ARHGAP22: variants seen among roughly 807,000 people sequenced by gnomAD.
ARHGAP22 encodes rho GTPase-activating protein 22.
Under a neutral mutation model 59.1 loss-of-function variants are expected in ARHGAP22, and 48 were observed. The ratio of observed to expected loss-of-function variants is 0.81; its 90% CI spans 0.64 to 1.03. The LOEUF (loss-of-function observed/expected upper bound fraction) is 1.03. ARHGAP22 is among the 50% of genes least tolerant of loss of function. The pLI, the probability that ARHGAP22 is intolerant of heterozygous loss-of-function variation, is 0.00. For synonymous variants in ARHGAP22, 445 were observed against 416.4 expected (o/e 1.07, Z -0.84); for missense variants, 1,015 against 958.7 (o/e 1.06, Z -0.78).
intron 3 of ARHGAP22, among the ~76,000 whole-genome samples, chr10:48,520,685 C>T (rs1270524019): frequency 3.3e-5 from 5 of 151,834 alleles, no homozygotes; most frequent in South Asian, 2.1e-4. Flanking sequence ...CAGGAGTTGA[C>T]GGGAGGGAGG....
At chr10:48,606,102 G>A (rs143601480), upstream of ARHGAP22, among the ~76,000 whole-genome samples, 3 of 152,280 alleles carry the variant, frequency 2.0e-5, no homozygotes, top group African/African-American at 4.8e-5. Context: ...TGAGAACTGT[G>A]TGACCCTTTC....
upstream of ARHGAP22, chr10:48,605,189 G>A (rs1309431414): frequency 1.2e-5 from 13 of 1,096,526 alleles, no homozygotes; most frequent in Non-Finnish European, 1.4e-5. Context: ...CGCGGGGCGC[G>A]GTCCTGGCCC....
chr10:48,459,485 G>A (rs1003383686), intron 5 of ARHGAP22, among the ~76,000 whole-genome samples, 199 bp downstream of exon 5: 18 of 152,182 alleles, frequency 1.2e-4, no homozygotes, highest in African/African-American at 3.1e-4. Context: ...AGCTGGCCTC[G>A]TGCATGGCAG....
chr10:48,533,988 C>T (rs115460416), intron 3 of ARHGAP22, among the ~76,000 whole-genome samples: 2,019 of 152,298 alleles, frequency 0.013, 49 homozygotes, highest in African/African-American at 0.046. Context: ...GAGGGCCGTG[C>T]CCAGGAGGGG....
the ARHGAP22 span, among the ~76,000 whole-genome samples, chr10:48,433,259 A>G: frequency 6.6e-6 from 1 of 152,230 alleles, no homozygotes; most frequent in Non-Finnish European, 1.5e-5. Context: ...TTTAAAAGTC[A>G]ATTTTTATCA....
At chr10:48,466,964 C>G (rs1422865617) in intron 4 of ARHGAP22, among the ~76,000 whole-genome samples, 1 of 152,206 alleles carries the variant, frequency 6.6e-6, no homozygotes, top group African/African-American at 2.4e-5. Context: ...CCCGCTTAAC[C>G]CTTCGCCTGG....
intron 1 of ARHGAP22, among the ~76,000 whole-genome samples, chr10:48,629,173 C>A (rs993918527): frequency 1.3e-5 from 2 of 152,190 alleles, no homozygotes; most frequent in African/African-American, 4.8e-5. Flanking sequence ...GGGCAGCCAC[C>A]ACCAATGGCT....
rs113275169 is a variant in ARHGAP22, at chr10:48,504,415, C to T, written c.323-24651G>A. ...GGGTGAACAAGGGAGACAAGGCCCC[C>T]GCTCTCCTGGAGAACCAGCCAAAGG... On this transcript the variant is annotated intron_variant, in intron 3 of 9. Coordinates refer to ENST00000249601, the MANE Select transcript of ARHGAP22 (RefSeq NM_021226.4). Among the ~76,000 whole-genome samples the T allele has an allele frequency of 2.7e-3, 404 of 152,240 alleles. 1 individual carries two copies. Among genetic ancestry groups the T allele is most frequent in the African/African-American group, 9.5e-3 (394 of 41,526 alleles).
chr10:48,625,693 T>TACACAAACAC (rs71465465), intron 1 of ARHGAP22, among the ~76,000 whole-genome samples: 2 of 138,966 alleles, frequency 1.4e-5, no homozygotes, highest in South Asian at 2.5e-4. Flanking sequence ...CTGCAACGTG[T>TACACAAACAC]ACACACACAC....
intron 1 of ARHGAP22, among the ~76,000 whole-genome samples, chr10:48,619,150 T>G (rs937924416): frequency 1.3e-5 from 2 of 152,002 alleles, no homozygotes; most frequent in African/African-American, 2.4e-5. Flanking sequence ...TGGTGAAAGA[T>G]CTCTACAAGG....
At chr10:48,644,218 T>C (rs1281875647) in intron 1 of ARHGAP22, among the ~76,000 whole-genome samples, 1 of 152,090 alleles carries the variant, frequency 6.6e-6, no homozygotes. Context: ...AAAACAGTAA[T>C]GGTATTAGGA....
At chr10:48,555,082 C>T (rs1340018947) in intron 3 of ARHGAP22, among the ~76,000 whole-genome samples, 1 of 152,216 alleles carries the variant, frequency 6.6e-6, no homozygotes. Context: ...TCCCAATTCT[C>T]TGCCTTGGAA....
intron 4 of ARHGAP22, among the ~76,000 whole-genome samples, chr10:48,469,238 AG>A (rs1170903273): frequency 6.6e-6 from 1 of 152,178 alleles, no homozygotes. Flanking sequence ...AGGCTCCGGC[AG>A]GCACTGCCAC....
chr10:48,582,742 C>T, intron 2 of ARHGAP22: 1 of 596,850 alleles, frequency 1.7e-6, no homozygotes, highest in South Asian at 2.2e-5. Context: ...GAAACATTTT[C>T]ATTGCAGAAG....
At chr10:48,476,996 T>C (rs899955574) in intron 4 of ARHGAP22, among the ~76,000 whole-genome samples, 31 of 152,248 alleles carry the variant, frequency 2.0e-4, no homozygotes, top group African/African-American at 6.8e-4. Context: ...TTATTTTTTA[T>C]ATGCACACAT....
At chr10:48,530,343 T>C (rs2054723476) in intron 3 of ARHGAP22, among the ~76,000 whole-genome samples, 1 of 151,574 alleles carries the variant, frequency 6.6e-6, no homozygotes, top group Non-Finnish European at 1.5e-5. Flanking sequence ...AAAACCCTTT[T>C]AGACATTGGC....
At chr10:48,463,072 T>C (rs1341848760) in intron 4 of ARHGAP22, among the ~76,000 whole-genome samples, 1 of 152,266 alleles carries the variant, frequency 6.6e-6, no homozygotes, top group African/African-American at 2.4e-5. Context: ...AGATTTCATA[T>C]ACAAATCTGG....
Position 48,450,391 on chromosome 10 carries a change from T to C in ARHGAP22, c.1738A>G (p.Ser580Gly), listed in dbSNP as rs1242367131. ...GGGCTGTCCGGCTCGCTGGGCTCGC[T>C]GTTGCTGGCACCCGCGCCCGCCTCG... The part of the protein sequence containing the change: ...MDEAGAGASN[S>G]EPSEPDSPTR... The change falls in exon 9 of 10, where the codon AGC becomes GGC. Residue 580 changes from serine (S) to glycine (G), a missense_variant. By Grantham distance (56) the Ser-to-Gly change is moderately conservative. Coordinates refer to ENST00000249601, the MANE Select transcript of ARHGAP22 (RefSeq NM_021226.4). 12 of 1,574,364 alleles carry C rather than the reference T, an allele frequency of 7.6e-6. No individual in the cohort carries two copies. The highest frequency in any genetic ancestry group is 1.0e-5 in the Non-Finnish European group (12 of 1,160,678).
At chr10:48,457,192 G>A (rs562835920) in intron 5 of ARHGAP22, among the ~76,000 whole-genome samples, 57 of 152,182 alleles carry the variant, frequency 3.7e-4, no homozygotes, top group African/African-American at 7.0e-4. Flanking sequence ...CGCCAACACC[G>A]GCATCTATGC....
Sources: gnomAD v4.1 joint callset for allele counts (sites outside exome capture counted in the v4.1 genomes callset) on GRCh38, gnomAD v4.1.1 for gene constraint, MANE v1.5 for transcripts, NCBI Gene and HGNC (gene_info 2026-07-23, HGNC 2026-07-21) for gene names.